CCDC122: variants seen among roughly 807,000 people sequenced by gnomAD.
The protein encoded by CCDC122 is coiled-coil domain-containing protein 122.
A neutral mutation model predicts 37.0 loss-of-function variants in CCDC122; 38 were observed. The observed-to-expected ratio is 1.03, with a 90% CI of 0.79 to 1.35. The LOEUF (loss-of-function observed/expected upper bound fraction) is 1.35. CCDC122 is among the 40% of genes most tolerant of loss of function. CCDC122 has a pLI of 0.00. For synonymous variants in CCDC122, 83 were observed against 95.6 expected (o/e 0.87, Z 0.77); for missense variants, 305 against 310.0 (o/e 0.98, Z 0.12).
downstream of CCDC122, among the ~76,000 whole-genome samples, chr13:43,819,348 A>G (rs1228102872): frequency 3.3e-5 from 5 of 152,236 alleles, no homozygotes; most frequent in Non-Finnish European, 7.3e-5. Flanking sequence ...AGTCTATTCC[A>G]AAGATATACT....
intron 3 of CCDC122, among the ~76,000 whole-genome samples, chr13:43,830,675 G>A (rs1953081331): frequency 6.6e-6 from 1 of 152,190 alleles, no homozygotes; most frequent in South Asian, 2.1e-4. Context: ...CAACGTTTCA[G>A]AAAGTTTTTC....
intron 6 of CCDC122, chr13:43,854,111 T>C (rs1223152809): frequency 6.6e-6 from 1 of 151,814 alleles, no homozygotes; most frequent in Non-Finnish European, 1.5e-5. Context: ...AGCCCAAAGC[T>C]AGTAGAAGAC....
intron 6 of CCDC122, among the ~76,000 whole-genome samples, chr13:43,840,421 C>T (rs983788412): frequency 1.4e-4 from 21 of 151,966 alleles, no homozygotes; most frequent in African/African-American, 4.4e-4. Context: ...GGTACATGTG[C>T]ACAACATGCA....
At chr13:43,858,317 A>G (rs1052656234) in intron 6 of CCDC122, 1 of 152,306 alleles carries the variant, frequency 6.6e-6, no homozygotes, top group African/African-American at 2.4e-5. Context: ...TCTGACTTTC[A>G]ATTTTGCATA....
chr13:43,821,734 C>T (rs893260628), downstream of CCDC122, among the ~76,000 whole-genome samples: 8 of 152,128 alleles, frequency 5.3e-5, no homozygotes, highest in Non-Finnish European at 8.8e-5. Context: ...TTCAAGCTCA[C>T]GAATTATTTC....
chr13:43,862,789 A>C (rs942192168), intron 4 of CCDC122, among the ~76,000 whole-genome samples: 3 of 152,206 alleles, frequency 2.0e-5, no homozygotes, highest in African/African-American at 7.2e-5. Flanking sequence ...TAGAAGAAGT[A>C]TATTGACCCA....
chr13:43,845,217 A>G (rs903110152), intron 6 of CCDC122, among the ~76,000 whole-genome samples: 8 of 152,342 alleles, frequency 5.3e-5, no homozygotes, highest in African/African-American at 1.7e-4. Context: ...ATATCAGTAC[A>G]TGTAAAAATA....
chr13:43,836,448 G>A lies in CCDC122; in HGVS notation c.*832C>T, dbSNP rs1249453266. ...TGATTGTTACCTTCTGGATAAAAGAGAAAATGGAGTAAAATATTTGAAGCA... is the reference window on the plus strand; with the variant it reads ...TGATTGTTACCTTCTGGATAAAAGAAAAAATGGAGTAAAATATTTGAAGCA... On this transcript the variant is annotated 3_prime_UTR_variant, in exon 7 of 7. Coordinates refer to ENST00000444614, the MANE Select transcript of CCDC122 (RefSeq NM_144974.5). 6.6e-6 allele frequency: 1 copy of A among 152,186 alleles called. No homozygotes were observed. The highest frequency in any genetic ancestry group is 1.5e-5 in the Non-Finnish European group (1 of 68,010). The allele number at this position is 152,186 out of a possible 1,614,324, so 9.4% of individuals were successfully genotyped here.
At chr13:43,861,767 T>G (rs1452375858) in intron 4 of CCDC122, among the ~76,000 whole-genome samples, 1 of 152,204 alleles carries the variant, frequency 6.6e-6, no homozygotes, top group Non-Finnish European at 1.5e-5. Flanking sequence ...TTTATATGTA[T>G]GTTTACCAGA....
downstream of CCDC122, among the ~76,000 whole-genome samples, chr13:43,820,389 T>C (rs1952984831): frequency 6.6e-6 from 1 of 152,148 alleles, no homozygotes; most frequent in Non-Finnish European, 1.5e-5. Flanking sequence ...GGAATATAGA[T>C]GGTAAGTATG....
chr13:43,873,471 T>C (rs1162314558), intron 2 of CCDC122, among the ~76,000 whole-genome samples: 3 of 152,150 alleles, frequency 2.0e-5, no homozygotes, highest in Non-Finnish European at 2.9e-5. Context: ...AAACCCTGAG[T>C]TCATTAGCAG....
intron 4 of CCDC122, among the ~76,000 whole-genome samples, chr13:43,864,402 C>T (rs1954208214): frequency 1.3e-5 from 2 of 151,904 alleles, no homozygotes; most frequent in Non-Finnish European, 2.9e-5. Flanking sequence ...TTTATTTGGC[C>T]CATGATTCTG....
chr13:43,840,325 T>A (rs1249694758), intron 6 of CCDC122, among the ~76,000 whole-genome samples: 1 of 152,192 alleles, frequency 6.6e-6, no homozygotes, highest in African/African-American at 2.4e-5. Flanking sequence ...AGTTATCTAT[T>A]CACAGGTAGT....
At chr13:43,845,660 T>G (rs2153871304) in intron 6 of CCDC122, among the ~76,000 whole-genome samples, 1 of 152,328 alleles carries the variant, frequency 6.6e-6, no homozygotes, top group East Asian at 1.9e-4. Flanking sequence ...TGCAGTGAGC[T>G]GAGATCTTGC....
At chr13:43,833,746 T>C (rs987998604), downstream of CCDC122, among the ~76,000 whole-genome samples, 1 of 147,692 alleles carries the variant, frequency 6.8e-6, no homozygotes, top group Non-Finnish European at 1.5e-5. Context: ...AAAATGACAT[T>C]TGGTGCAGAG....
In CCDC122 at chr13:43,859,897, G is replaced by A; in HGVS notation, c.330C>T (p.Asp110=). Residue 110 remains aspartate (D), a synonymous_variant, in exon 5 of 7, where the codon GAC becomes GAT. Coordinates refer to ENST00000444614, the MANE Select transcript of CCDC122 (RefSeq NM_144974.5). ...LHSENVKLKF[D]IETAQEDFEE... is the part of the protein sequence containing the mutation. ...CAAAATCTTCTTGGGCTGTTTCTAT[G>A]TCAAATTTAAGCTTTACATTTTCTG... is the stretch of plus-strand genomic sequence containing the variant. 6.2e-7 allele frequency: 1 copy of A among 1,607,310 alleles called. No homozygotes were observed. The highest frequency in any genetic ancestry group is 8.5e-7 in the Non-Finnish European group (1 of 1,177,532).
At chr13:43,865,214 G>A (rs927955141) in intron 4 of CCDC122, among the ~76,000 whole-genome samples, 2 of 152,162 alleles carry the variant, frequency 1.3e-5, no homozygotes, top group Non-Finnish European at 2.9e-5. Flanking sequence ...AGGGGTGCGG[G>A]GAAAGTATGG....
At chr13:43,870,586 C>T (rs1304946035) in intron 2 of CCDC122, among the ~76,000 whole-genome samples, 1 of 151,770 alleles carries the variant, frequency 6.6e-6, no homozygotes, top group Non-Finnish European at 1.5e-5. Context: ...ACTGTTGTTC[C>T]AAGTGCTTTA....
intron 6 of CCDC122, among the ~76,000 whole-genome samples, chr13:43,844,520 A>C (rs1434253609): frequency 6.6e-6 from 1 of 152,006 alleles, no homozygotes; most frequent in East Asian, 1.9e-4. Flanking sequence ...TTGATGGATA[A>C]GTTCTTCAAA....
Sources: gnomAD v4.1 joint callset for allele counts (sites outside exome capture counted in the v4.1 genomes callset) on GRCh38, gnomAD v4.1.1 for gene constraint, MANE v1.5 for transcripts, NCBI Gene and HGNC (gene_info 2026-07-23, HGNC 2026-07-21) for gene names.